PHEX: variants seen among roughly 807,000 people sequenced by gnomAD.
PHEX encodes phosphate regulating endopeptidase X-linked, also known as phosphate-regulating neutral endopeptidase PHEX.
In PHEX, 16 loss-of-function variants were observed where a neutral mutation model predicts 68.0. The observed-to-expected ratio is 0.24, with a 90% confidence interval of 0.16 to 0.36. The LOEUF (loss-of-function observed/expected upper bound fraction) is 0.36. Ranked by LOEUF, PHEX falls within the 10% of genes least tolerant of loss-of-function variation. The pLI is 1.00. For synonymous variants in PHEX, 208 were observed against 205.1 expected (o/e 1.01, Z -0.12); for missense variants, 480 against 575.5 (o/e 0.83, Z 1.70).
intron 12 of PHEX, among the ~76,000 whole-genome samples, chrX:22,145,377 G>A (rs947328477): frequency 1.8e-5 from 2 of 112,044 alleles, no homozygotes; most frequent in Admixed American, 9.5e-5. Context: ...TTGGGAGGCC[G>A]AGGTGGGTAG....
chrX:22,224,998 A>ATTTATTATCATAC (rs1198882224), intron 18 of PHEX, among the ~76,000 whole-genome samples: 3 of 107,414 alleles, frequency 2.8e-5, no homozygotes, highest in African/African-American at 6.7e-5. Context: ...TGTATGTCAG[A>ATTTATTATCATAC]AGTCTGACAT....
intron 9 of PHEX, among the ~76,000 whole-genome samples, chrX:22,101,847 G>C (rs1172983715): frequency 2.7e-5 from 3 of 111,560 alleles, no homozygotes; most frequent in Non-Finnish European, 5.6e-5. Context: ...CTTTATCAAA[G>C]AGCCTATCTC....
chrX:22,094,099 G>A lies in PHEX; in HGVS notation c.849G>A (p.Glu283=), dbSNP rs773293894. 4 of 1,048,628 alleles carry A rather than the reference G, an allele frequency of 3.8e-6. No homozygotes were observed. The highest frequency in any genetic ancestry group is 3.7e-5 in the South Asian group (2 of 53,371). The allele number at this position is 1,048,628 out of a possible 1,213,427, so 86.4% of individuals were successfully genotyped here. ...TCAGATTGGAAATTAAGATAGCTGAGGTAAGTCTTCACTGAAAATCTCTTT... is the reference window on the plus strand; with the variant it reads ...TCAGATTGGAAATTAAGATAGCTGAAGTAAGTCTTCACTGAAAATCTCTTT... ...SVLRLEIKIA[E]IMIPHENRTS... Residue 283 remains glutamate (E), a splice_region_variant and synonymous_variant, in exon 7 of 22, where the codon GAG becomes GAA. Coordinates refer to ENST00000379374, the MANE Select transcript of PHEX (RefSeq NM_000444.6).
At chrX:22,128,800 CTATCTGTAAATATAGTAATCCCCCCT>C (rs1256384267) in intron 11 of PHEX, among the ~76,000 whole-genome samples, 5 of 109,429 alleles carry the variant, frequency 4.6e-5, no homozygotes, top group Non-Finnish European at 7.6e-5. Flanking sequence ...CTCTTTGTCC[CTATCTGTAAATATAGTAATCCCCCCT>C]TATCTGAGAC....
At chrX:22,094,149 C>A (rs1930031922) in intron 7 of PHEX, 50 bp downstream of exon 7, 2 of 725,396 alleles carry the variant, frequency 2.8e-6, no homozygotes, top group Non-Finnish European at 4.3e-6. Flanking sequence ...CTTTTCTTTT[C>A]CTTTACTTTC....
intron 12 of PHEX, among the ~76,000 whole-genome samples, chrX:22,147,087 G>A (rs1182250506): frequency 1.8e-5 from 2 of 110,800 alleles, no homozygotes; most frequent in Non-Finnish European, 3.8e-5. Flanking sequence ...AATTATGGAG[G>A]ATATTTATTA....
chrX:22,080,349 A>G (rs1256356617), intron 5 of PHEX, among the ~76,000 whole-genome samples: 3 of 111,754 alleles, frequency 2.7e-5, no homozygotes, highest in Non-Finnish European at 5.6e-5. Flanking sequence ...GAGTGCGGCA[A>G]ACGTTTGCTT....
intron 9 of PHEX, among the ~76,000 whole-genome samples, chrX:22,108,994 A>G (rs1291727212): frequency 9.0e-6 from 1 of 111,123 alleles, no homozygotes; most frequent in African/African-American, 3.3e-5. Flanking sequence ...TGGATTTATG[A>G]ATTTTATTAT....
intron 13 of PHEX, chrX:22,169,988 A>T (rs1328610201): frequency 8.9e-6 from 1 of 112,455 alleles, no homozygotes; most frequent in Non-Finnish European, 1.9e-5. Context: ...TTGCGGATCA[A>T]TATGGACCAT....
intron 3 of PHEX, among the ~76,000 whole-genome samples, chrX:22,060,268 C>A (rs779652983): frequency 8.1e-5 from 9 of 111,017 alleles, no homozygotes; most frequent in African/African-American, 2.9e-4. Flanking sequence ...TAAGCAGATA[C>A]TACATGGTGT....
rs761141166 is a variant in PHEX at position 22,131,293 on chromosome X, A to G, written c.1303-2230A>G. On this transcript the variant is annotated intron_variant, in intron 11 of 21. Transcript: ENST00000379374. ...TGACCTCAAGTAATCTGCCCGCCTC[A>G]GCCTCCCAAAGTGCTGGGATTACAG... is the stretch of plus-strand genomic sequence containing the variant. Among the ~76,000 whole-genome samples the G allele has an allele frequency of 2.0e-4, 22 of 111,919 alleles. No individual in the cohort carries two copies. In the South Asian group the frequency reaches 4.1e-3, roughly 21 times the overall value.
intron 20 of PHEX, among the ~76,000 whole-genome samples, chrX:22,238,762 G>A (rs1341190390): frequency 1.8e-5 from 2 of 111,877 alleles, no homozygotes; most frequent in East Asian, 2.8e-4. Context: ...GGGAATTATA[G>A]GTAAAACCCC....
rs942628344 is a variant in PHEX at position 22,190,211 on chromosome X, A to G, written c.1587-233A>G. ...CTTTTTTTCTGTTAAGTTAGTAACAATAAATAACTGGGCATGTTAATATAT... is the reference window on the plus strand; with the variant it reads ...CTTTTTTTCTGTTAAGTTAGTAACAGTAAATAACTGGGCATGTTAATATAT... On this transcript the variant is annotated intron_variant, in intron 14 of 21. Coordinates refer to ENST00000379374, the MANE Select transcript of PHEX (RefSeq NM_000444.6). Among the ~76,000 whole-genome samples, 11 of 112,393 alleles carry G rather than the reference A, an allele frequency of 9.8e-5. No individual in the cohort carries two copies. In the East Asian group the frequency reaches 3.0e-3, roughly 31 times the overall value.
chrX:22,066,034 T>C (rs778213588), intron 3 of PHEX, among the ~76,000 whole-genome samples: 42 of 111,994 alleles, frequency 3.8e-4, no homozygotes, highest in African/African-American at 1.1e-3. Context: ...CCCAGTGTGA[T>C]TGGAGCTCTG....
At chrX:22,163,547 T>A in intron 12 of PHEX, among the ~76,000 whole-genome samples, 1 of 111,362 alleles carries the variant, frequency 9.0e-6, no homozygotes, top group East Asian at 2.8e-4. Flanking sequence ...TCTCTACATG[T>A]CTGTATGAAT....
chrX:22,093,993 C>T lies in PHEX; in HGVS notation c.743C>T (p.Ala248Val), dbSNP rs867137730. ...CTTTATTTCTTACAGTATCGGGATG[C>T]CCTTTACAAGTTCATGGTGGATACT... The part of the protein sequence containing the change: ...NSTEAKSYRD[A>V]LYKFMVDTAV... Residue 248 changes from alanine (A) to valine (V), a missense_variant, in exon 7 of 22, where the codon GCC becomes GTC. Transcript: ENST00000379374. The T allele has an allele frequency of 1.7e-6, 2 of 1,174,760 alleles. No homozygotes were observed. The highest frequency in any genetic ancestry group is 4.4e-5 in the Admixed American group (2 of 45,597).
At chrX:22,115,304 C>T (rs1264788801) in intron 11 of PHEX, among the ~76,000 whole-genome samples, 1 of 112,068 alleles carries the variant, frequency 8.9e-6, no homozygotes, top group African/African-American at 3.2e-5. Context: ...GCCCTTCAGC[C>T]AAGGCGACAG....
rs59496974 is a variant in PHEX at position 22,249,208 on chromosome X, CGTGTGTGTGTGTGTGTGTGTGT to C, written c.*1266_*1287del. ...AGTGAACTCCTTTCTTATTACTGAGCGTGTGTGTGTGTGTGTGTGTGTGTGTGTGTGTAGGATAAAATTGTAA... is the reference window on the plus strand; with the variant it reads ...AGTGAACTCCTTTCTTATTACTGAGCGTGTGTGTGTAGGATAAAATTGTAA... On this transcript the variant is annotated 3_prime_UTR_variant, in exon 22 of 22. Transcript: ENST00000379374. The C allele has an allele frequency of 1.2e-5, 1 of 86,058 alleles. No individual in the cohort carries two copies. Among genetic ancestry groups the C allele is most frequent in the Non-Finnish European group, 2.2e-5 (1 of 45,717 alleles). The allele number at this position is 86,058 out of a possible 1,213,427, so 7.1% of individuals were successfully genotyped here. A position where few individuals can be genotyped will look rare whatever the true frequency, so the allele number is the denominator to read the frequency against.
At chrX:22,065,363 T>C (rs1928546849) in intron 3 of PHEX, among the ~76,000 whole-genome samples, 2 of 112,344 alleles carry the variant, frequency 1.8e-5, no homozygotes, top group South Asian at 7.4e-4. Flanking sequence ...AAGTTCCGAA[T>C]TGAACTGCTT....
Sources: allele counts gnomAD v4.1 joint callset (sites outside exome capture counted in the v4.1 genomes callset), GRCh38; gene constraint gnomAD v4.1.1; transcripts MANE v1.5; gene names NCBI Gene and HGNC (gene_info 2026-07-23, HGNC 2026-07-21).